HCN4: variants seen among roughly 807,000 people sequenced by gnomAD.
HCN4 encodes potassium/sodium hyperpolarization-activated cyclic nucleotide-gated channel 4.
In HCN4, 29 loss-of-function variants were observed where a neutral mutation model predicts 76.9. The observed-to-expected ratio is 0.38, with a 90% CI of 0.28 to 0.51. The LOEUF is 0.51. HCN4 is among the 20% of genes least tolerant of loss of function. HCN4 has a pLI of 0.90. For missense variants in HCN4, 1,416 were observed against 1,715.2 expected, an observed-to-expected ratio of 0.83 and a Z score of 3.08; for synonymous variants, 772 against 762.5, an observed-to-expected ratio of 1.01 and a Z score of -0.21.
intron 1 of HCN4, among the ~76,000 whole-genome samples, chr15:73,348,196 G>A (rs2043037423): frequency 6.6e-6 from 1 of 152,200 alleles, no homozygotes; most frequent in Non-Finnish European, 1.5e-5. Flanking sequence ...GGGACTCAAG[G>A]ACAAGACTAA....
In HCN4 at chr15:73,325,979, C is replaced by T. The variant is rs958404769; in HGVS notation, c.1591-535G>A. 2.0e-5 allele frequency among the ~76,000 whole-genome samples: 3 copies of T among 152,134 alleles called. No homozygotes were observed. Among genetic ancestry groups the T allele is most frequent in the Non-Finnish European group, 2.9e-5 (2 of 68,020 alleles). ...CCTCAGCTGAGACCCCGGGTCATTT[C>T]GTTGAGAGCAACTCCAGGTAAGGGA... On this transcript the variant is annotated intron_variant, in intron 4 of 7. Transcript: ENST00000261917. The surrounding 1 kb of genome is among the most constrained non-coding windows in gnomAD (Gnocchi z 7.4).
intron 2 of HCN4, among the ~76,000 whole-genome samples, chr15:73,332,827 G>A (rs2042940872): frequency 1.3e-5 from 2 of 152,144 alleles, no homozygotes; most frequent in African/African-American, 4.8e-5. Flanking sequence ...TTGATCCCAA[G>A]CCCAGGTCCT....
rs952333597 is a variant in HCN4, at chr15:73,368,674, C to G, written c.-404G>C. 1 of 153,158 alleles carries G rather than the reference C, an allele frequency of 6.5e-6. No homozygotes were observed. The allele number at this position is 153,158 out of a possible 1,614,324, so 9.5% of individuals were successfully genotyped here. A position where few individuals can be genotyped will look rare whatever the true frequency, so the allele number is the denominator to read the frequency against. On this transcript the variant is annotated 5_prime_UTR_variant, in exon 1 of 8. Transcript: ENST00000261917. The surrounding 1 kb of genome is among the most constrained non-coding windows in gnomAD (Gnocchi z 6.9). ...GCTCCGGAGTGCAGAGCGCACGGCC[C>G]GCGCGGGTCCCGGGCGTGCGTCCCG...
At position 73,343,698 on chromosome 15, in the gene HCN4, T is replaced by G. The variant is rs1057518303; in HGVS notation, c.896A>C (p.Asn299Thr). 6.2e-7 allele frequency: 1 copy of G among 1,614,144 alleles called. No individual in the cohort carries two copies. The highest frequency in any genetic ancestry group is 1.3e-5 in the African/African-American group (1 of 75,040). ...DENTTPWIVFNVVSDTFFLID... is the reference protein window; with the variant it reads ...DENTTPWIVFTVVSDTFFLID... ...GAGGAAGAATGTGTCTGACACCACA[T>G]TGAAGACAATCCAGGGTGTGGTGTT... Residue 299 changes from asparagine to threonine, a missense_variant, in exon 2 of 8, where the codon AAT (asparagine) becomes ACT (threonine). Around this residue, in one of 6 missense-constraint regions of HCN4, gnomAD observed 52 missense variants for 129.1 expected, o/e 0.40. Coordinates refer to ENST00000261917, the MANE Select transcript of HCN4 (RefSeq NM_005477.3). This position sits in a 1 kb window ranked among gnomAD's most constrained non-coding sequence, Gnocchi z 5.7.
intron 1 of HCN4, among the ~76,000 whole-genome samples, chr15:73,351,818 C>T (rs1358426361): frequency 6.6e-6 from 1 of 152,216 alleles, no homozygotes; most frequent in Non-Finnish European, 1.5e-5. Context: ...CCTCCTTCTC[C>T]TGCCTTGATG....
chr15:73,365,251 G>A (rs1330798464), intron 1 of HCN4, among the ~76,000 whole-genome samples: 4 of 152,146 alleles, frequency 2.6e-5, no homozygotes, highest in Non-Finnish European at 5.9e-5. Flanking sequence ...AAGCAGGAAA[G>A]GTATGGCCAC....
chr15:73,329,939 T>C, intron 3 of HCN4, 148 bp from the exon 4 acceptor site: 1 of 672,872 alleles, frequency 1.5e-6, no homozygotes, highest in South Asian at 1.8e-5. Flanking sequence ...GCTGAAAGCC[T>C]TGGGTGAGAA....
At chr15:73,331,551 C>A (rs1277031238) in intron 3 of HCN4, among the ~76,000 whole-genome samples, 1 of 152,160 alleles carries the variant, frequency 6.6e-6, no homozygotes, top group African/African-American at 2.4e-5. Context: ...CTCAAGGGAT[C>A]CCCCTGTACA....
In HCN4 at chr15:73,325,082, C is replaced by T; in HGVS notation, c.1851G>A (p.Gln617=). 1 of 1,614,248 alleles carries T rather than the reference C, an allele frequency of 6.2e-7. No individual in the cohort carries two copies. The highest frequency in any genetic ancestry group is 8.5e-7 in the Non-Finnish European group (1 of 1,180,050). Residue 617 remains glutamine (Q), a synonymous_variant, in exon 6 of 8, where the codon CAG becomes CAA. Transcript: ENST00000261917. The surrounding 1 kb of genome is among the most constrained non-coding windows in gnomAD (Gnocchi z 7.4). ...CTTCCCGGATGATGTAGTCCCCAGG[C>T]TGGAAGACCTCGAAACGCAGCTTGG... ...MLTKLRFEVF[Q]PGDYIIREGT...
chr15:73,322,291 T>C lies in HCN4; in HGVS notation c.*190A>G. 2 of 495,220 alleles carry C rather than the reference T, an allele frequency of 4.0e-6. No homozygotes were observed. Among genetic ancestry groups the C allele is most frequent in the Non-Finnish European group, 7.6e-6 (2 of 262,890 alleles). 30.7% of individuals were successfully genotyped at this position (495,220 alleles called of 1,614,324 possible). ...TAGTGCTGAGTATTAAAATAGTCTA[T>C]AAAAGCAAGTGACCAAAAATCTATA... On this transcript the variant is annotated 3_prime_UTR_variant, in exon 8 of 8. Transcript: ENST00000261917.
chr15:73,343,780 G>A lies in HCN4; in HGVS notation c.814C>T (p.Leu272=). The A allele has an allele frequency of 6.2e-7, 1 of 1,614,140 alleles. No individual in the cohort carries two copies. ...RFYWDLTMLL[L]MVGNLIIIPV... ...ATGATAATCAGGTTTCCCACCATCA[G>A]CAGCAGCATGGTCAGGTCCCAGTAA... The change falls in exon 2 of 8, where the codon CTG becomes TTG. Residue 272 remains leucine, a synonymous_variant. Transcript: ENST00000261917. This position sits in a 1 kb window ranked among gnomAD's most constrained non-coding sequence, Gnocchi z 5.7.
In HCN4 at chr15:73,343,760, A is replaced by G. The variant is rs2151221262; in HGVS notation, c.834T>C (p.Ile278=). Residue 278 remains isoleucine (I), a synonymous_variant, in exon 2 of 8, where the codon ATT becomes ATC. Coordinates refer to ENST00000261917, the MANE Select transcript of HCN4 (RefSeq NM_005477.3). This position sits in a 1 kb window ranked among gnomAD's most constrained non-coding sequence, Gnocchi z 5.7. ...TMLLLMVGNL[I]IIPVGITFFK... is the part of the protein sequence containing the mutation. ...AGAAGGTGATGCCCACAGGAATGAT[A>G]ATCAGGTTTCCCACCATCAGCAGCA... 1 of 1,614,128 alleles carries G rather than the reference A, an allele frequency of 6.2e-7. No homozygotes were observed. Among genetic ancestry groups the G allele is most frequent in the Non-Finnish European group, 8.5e-7 (1 of 1,180,010 alleles).
At chr15:73,337,649 C>A (rs528062792) in intron 2 of HCN4, among the ~76,000 whole-genome samples, 1 of 152,280 alleles carries the variant, frequency 6.6e-6, no homozygotes, top group African/African-American at 2.4e-5. Flanking sequence ...GAACACGGCA[C>A]AGAGCATGTG....
At position 73,320,492 on chromosome 15, in the gene HCN4, C is replaced by CTT. The variant is rs2042850966; in HGVS notation, c.*1987_*1988dup. The CTT allele has an allele frequency of 6.6e-6, 1 of 152,114 alleles. No homozygotes were observed. Among genetic ancestry groups the CTT allele is most frequent in the East Asian group, 1.9e-4 (1 of 5,182 alleles). The allele number at this position is 152,114 out of a possible 1,614,324, so 9.4% of individuals were successfully genotyped here. On this transcript the variant is annotated 3_prime_UTR_variant, in exon 8 of 8. Transcript: ENST00000261917. ...AATGTGGGACCAGCCCTTCTCATTA[C>CTT]TTGGGGATTGCAGCCATACCTGCTC...
At chr15:73,329,270 C>G (rs138855380) in intron 4 of HCN4, among the ~76,000 whole-genome samples, 10 of 152,166 alleles carry the variant, frequency 6.6e-5, no homozygotes, top group Non-Finnish European at 1.3e-4. Context: ...TGGTGACTGT[C>G]AAATGCCTAC....
At chr15:73,347,582 G>A (rs1000434930) in intron 1 of HCN4, among the ~76,000 whole-genome samples, 13 of 152,216 alleles carry the variant, frequency 8.5e-5, no homozygotes, top group African/African-American at 3.1e-4. Flanking sequence ...ATGTCCTATA[G>A]AAGGGAAAAC....
intron 1 of HCN4, among the ~76,000 whole-genome samples, chr15:73,366,862 G>A (rs114431476): frequency 0.013 from 1,933 of 152,264 alleles, 40 homozygotes; most frequent in African/African-American, 0.044. Flanking sequence ...CAGCCCTGCC[G>A]CTCTGGATGC....
intron 1 of HCN4, among the ~76,000 whole-genome samples, chr15:73,353,711 G>A (rs2043065261): frequency 6.6e-6 from 1 of 152,120 alleles, no homozygotes; most frequent in Admixed American, 6.5e-5. Context: ...GTGGGGGAGT[G>A]TTTTGTCCCA....
chr15:73,328,677 G>A lies in HCN4; in HGVS notation c.1590+896C>T, dbSNP rs913979042. ...ACAGGCCCACGCTCAAACAGAGCTC[G>A]GCAGCAGAGAAGCTGGGGTAGGGCC... On this transcript the variant is annotated intron_variant, in intron 4 of 7. Coordinates refer to ENST00000261917, the MANE Select transcript of HCN4 (RefSeq NM_005477.3). The surrounding 1 kb of genome is among the most constrained non-coding windows in gnomAD (Gnocchi z 4.0). Among the ~76,000 whole-genome samples, 4 of 152,074 alleles carry A rather than the reference G, an allele frequency of 2.6e-5. No homozygotes were observed. Among genetic ancestry groups the A allele is most frequent in the African/African-American group, 7.2e-5 (3 of 41,410 alleles).
Sources: gnomAD v4.1 joint callset for allele counts (sites outside exome capture counted in the v4.1 genomes callset) on GRCh38, gnomAD v4.1.1 for gene constraint, gnomAD v4.1.1 regional missense constraint, Gnocchi (gnomAD v3.1) non-coding constraint, MANE v1.5 for transcripts, NCBI Gene and HGNC (gene_info 2026-07-23, HGNC 2026-07-21) for gene names.